RTN4IP1: variants seen among roughly 807,000 people sequenced by gnomAD.
RTN4IP1 encodes reticulon 4 interacting protein 1, also known as NAD(P)H oxidoreductase RTN4IP1, mitochondrial.
RTN4IP1 carries 32 observed loss-of-function variants against 46.6 expected under a neutral mutation model. The ratio of observed to expected loss-of-function variants is 0.69; its 90% CI spans 0.52 to 0.92. The LOEUF is 0.92. Among genes scored for constraint, RTN4IP1 ranks in the 40% least tolerant of loss-of-function variants. RTN4IP1 has a pLI of 0.00. For missense variants in RTN4IP1, 424 were observed against 485.8 expected, an observed-to-expected ratio of 0.87 and a Z score of 1.20; for synonymous variants, 167 against 161.8, an observed-to-expected ratio of 1.03 and a Z score of -0.24.
At chr6:106,627,674 A>T (rs1209660761) in intron 1 of RTN4IP1, among the ~76,000 whole-genome samples, 1 of 150,520 alleles carries the variant, frequency 6.6e-6, no homozygotes, top group Non-Finnish European at 1.5e-5. Flanking sequence ...GGTAGTAGCA[A>T]TTACTACTTC....
chr6:106,593,270 A>G (rs959588505), intron 5 of RTN4IP1, among the ~76,000 whole-genome samples: 7 of 152,198 alleles, frequency 4.6e-5, no homozygotes, highest in Non-Finnish European at 1.0e-4. Flanking sequence ...CAGATGCCTT[A>G]TATTTTAAAA....
chr6:106,597,107 A>T, intron 5 of RTN4IP1, among the ~76,000 whole-genome samples: 1 of 151,966 alleles, frequency 6.6e-6, no homozygotes, highest in East Asian at 1.9e-4. Context: ...CCACATTTTT[A>T]TTAGTAATTT....
intron 5 of RTN4IP1, among the ~76,000 whole-genome samples, chr6:106,596,332 C>A (rs2114647215): frequency 6.6e-6 from 1 of 152,268 alleles, no homozygotes; most frequent in South Asian, 2.1e-4. Context: ...TACAAAATCC[C>A]AGCACTTTGG....
chr6:106,605,899 T>C (rs1275637932), intron 4 of RTN4IP1, among the ~76,000 whole-genome samples: 2 of 148,122 alleles, frequency 1.4e-5, no homozygotes, highest in South Asian at 2.1e-4. Context: ...GCCAAAGCAC[T>C]CTACTCAAAC....
intron 5 of RTN4IP1, among the ~76,000 whole-genome samples, chr6:106,598,954 CTTAGT>C (rs1303106976): frequency 6.6e-6 from 1 of 151,940 alleles, no homozygotes; most frequent in African/African-American, 2.4e-5. Flanking sequence ...TTGAGTTCCT[CTTAGT>C]TTAGTCTTCT....
chr6:106,583,530 T>C, intron 7 of RTN4IP1, 110 bp from the exon 8 acceptor site: 1 of 818,374 alleles, frequency 1.2e-6, no homozygotes, highest in South Asian at 1.6e-5. Flanking sequence ...TGATTTCTCA[T>C]TTCATGCTGA....
At chr6:106,605,424 C>CAA (rs1343572337) in intron 4 of RTN4IP1, among the ~76,000 whole-genome samples, 31 of 105,066 alleles carry the variant, frequency 3.0e-4, no homozygotes, top group Admixed American at 4.6e-4. Context: ...GACCCTGTCT[C>CAA]AAAAAAAAAA....
chr6:106,599,835 CCTTT>C (rs760698084), intron 5 of RTN4IP1, among the ~76,000 whole-genome samples: 9 of 148,186 alleles, frequency 6.1e-5, no homozygotes, highest in Non-Finnish European at 7.4e-5. Flanking sequence ...CTTGTGCTGT[CCTTT>C]TTTTTTTTTT....
intron 5 of RTN4IP1, among the ~76,000 whole-genome samples, chr6:106,596,289 T>C (rs556659313): frequency 6.6e-6 from 1 of 152,258 alleles, no homozygotes; most frequent in Admixed American, 6.5e-5. Context: ...ATCTCTTGAG[T>C]TCATATTGAT....
At chr6:106,622,063 A>G (rs1776498427) in intron 2 of RTN4IP1, among the ~76,000 whole-genome samples, 1 of 152,182 alleles carries the variant, frequency 6.6e-6, no homozygotes, top group Non-Finnish European at 1.5e-5. Context: ...CTAATTCTAT[A>G]TATTTTAAAG....
intron 8 of RTN4IP1, among the ~76,000 whole-genome samples, chr6:106,578,635 G>A (rs558832141): frequency 6.6e-6 from 1 of 152,276 alleles, no homozygotes; most frequent in Non-Finnish European, 1.5e-5. Flanking sequence ...ACAGCAGTTT[G>A]CAAACTAGTG....
intron 4 of RTN4IP1, among the ~76,000 whole-genome samples, chr6:106,604,246 C>A (rs774894345): frequency 6.6e-6 from 1 of 152,142 alleles, no homozygotes; most frequent in Admixed American, 6.5e-5. Context: ...ACAGTTACTA[C>A]TAAAATTTTT....
chr6:106,572,664 G>A (rs925904168), intron 8 of RTN4IP1, among the ~76,000 whole-genome samples: 8 of 152,160 alleles, frequency 5.3e-5, no homozygotes, highest in Non-Finnish European at 1.0e-4. Flanking sequence ...TTACAGCTGA[G>A]TACACATCTC....
intron 4 of RTN4IP1, among the ~76,000 whole-genome samples, chr6:106,613,768 T>C (rs554455493): frequency 1.3e-5 from 2 of 152,298 alleles, no homozygotes; most frequent in East Asian, 1.9e-4. Context: ...TTGAATCTGA[T>C]AGGAAACATT....
intron 6 of RTN4IP1, among the ~76,000 whole-genome samples, chr6:106,589,591 G>A (rs979346940): frequency 2.6e-5 from 4 of 152,078 alleles, no homozygotes; most frequent in African/African-American, 9.7e-5. Context: ...CTGGTGGCAT[G>A]ACCTCAAGTA....
chr6:106,596,038 CATT>C (rs34486132), intron 5 of RTN4IP1, among the ~76,000 whole-genome samples: 103,700 of 151,782 alleles, frequency 0.68, 37,281 homozygotes, highest in Non-Finnish European at 0.81. Flanking sequence ...TTGTAATGGT[CATT>C]ATTATTACTG....
chr6:106,596,061 C>T (rs4946772), intron 5 of RTN4IP1, among the ~76,000 whole-genome samples: 141,264 of 152,234 alleles, frequency 0.93, 66,094 homozygotes, highest in Non-Finnish European at 1. Context: ...GAAGCTCAAA[C>T]TGTTACATCT....
intron 5 of RTN4IP1, among the ~76,000 whole-genome samples, chr6:106,596,386 C>T (rs1049274467): frequency 3.3e-5 from 5 of 152,098 alleles, no homozygotes; most frequent in African/African-American, 1.2e-4. Context: ...AATTTGAGAC[C>T]AGCCCAGGCA....
At position 106,570,978 on chromosome 6, in the gene RTN4IP1, G is replaced by A. The variant is rs954250873; in HGVS notation, c.*1018C>T. ...AAACACTTACCGTAAATGAATATTCGAAGTGCACACTGCAATGGGTTGATT... is the reference window on the plus strand; with the variant it reads ...AAACACTTACCGTAAATGAATATTCAAAGTGCACACTGCAATGGGTTGATT... On this transcript the variant is annotated 3_prime_UTR_variant, in exon 9 of 9. Coordinates refer to ENST00000369063, the MANE Select transcript of RTN4IP1 (RefSeq NM_032730.5). 6 of 152,136 alleles carry A rather than the reference G, an allele frequency of 3.9e-5. No homozygotes were observed. Among genetic ancestry groups the A allele is most frequent in the South Asian group, 2.1e-4 (1 of 4,828 alleles). 9.4% of individuals were successfully genotyped at this position (152,136 alleles called of 1,614,324 possible). A position where few individuals can be genotyped will look rare whatever the true frequency, so the allele number is the denominator to read the frequency against.
Sources: gnomAD v4.1 joint callset for allele counts (sites outside exome capture counted in the v4.1 genomes callset) on GRCh38, gnomAD v4.1.1 for gene constraint, MANE v1.5 for transcripts, NCBI Gene and HGNC (gene_info 2026-07-23, HGNC 2026-07-21) for gene names.